FOXP1: variants seen among roughly 807,000 people sequenced by gnomAD.
FOXP1 encodes forkhead box P1, also known as forkhead box protein P1.
A neutral mutation model predicts 98.2 loss-of-function variants in FOXP1; 15 were observed. The ratio of observed to expected loss-of-function variants is 0.15; its 90% CI spans 0.10 to 0.24. The LOEUF is 0.24. Among genes scored for constraint, FOXP1 ranks in the 10% least tolerant of loss-of-function variants. The pLI, the probability that FOXP1 is intolerant of heterozygous loss-of-function variation, is 1.00. For missense variants in FOXP1, 633 were observed against 848.5 expected, an observed-to-expected ratio of 0.75 and a Z score of 3.15; for synonymous variants, 371 against 314.5, an observed-to-expected ratio of 1.18 and a Z score of -1.90.
intron 5 of FOXP1, among the ~76,000 whole-genome samples, chr3:71,232,811 T>C (rs564563003): frequency 3.6e-4 from 49 of 136,112 alleles, no homozygotes; most frequent in Non-Finnish European, 7.3e-4. Context: ...AGAGGGAAGA[T>C]CTCTTGAGCC....
chr3:71,302,291 C>G (rs570822195), intron 4 of FOXP1, among the ~76,000 whole-genome samples: 2 of 152,044 alleles, frequency 1.3e-5, no homozygotes, highest in South Asian at 4.1e-4. Context: ...TACTGGGGCC[C>G]GAGTCTGCCT....
chr3:71,406,528 C>T (rs1339643261), intron 3 of FOXP1, among the ~76,000 whole-genome samples: 2 of 151,262 alleles, frequency 1.3e-5, no homozygotes, highest in African/African-American at 2.4e-5. Context: ...TCTCGTGATG[C>T]TATCTCTCAG....
chr3:71,499,002 A>G (rs2041125732), intron 2 of FOXP1, among the ~76,000 whole-genome samples: 1 of 152,072 alleles, frequency 6.6e-6, no homozygotes, highest in South Asian at 2.1e-4. Flanking sequence ...TATGGCAGTT[A>G]CCTTGCATAG....
intron 2 of FOXP1, among the ~76,000 whole-genome samples, chr3:71,557,989 G>A (rs1237648644): frequency 6.6e-6 from 1 of 152,084 alleles, no homozygotes; most frequent in Admixed American, 6.5e-5. Context: ...GCTGATTTTT[G>A]TATTTTTAGT....
Position 71,224,529 on chromosome 3 carries a change from T to C in FOXP1, c.-11-26137A>G, listed in dbSNP as rs545715290. ...ACAAGTGATGGGCAAGAGGCAGAGA[T>C]GGGAAGCTGTGATCAAACGGAGGAC... On this transcript the variant is annotated intron_variant, in intron 5 of 20. Coordinates refer to ENST00000649528, the MANE Select transcript of FOXP1 (RefSeq NM_001349338.3). 7.9e-5 allele frequency among the ~76,000 whole-genome samples: 12 copies of C among 152,130 alleles called. No individual in the cohort carries two copies. The South Asian group carries it at 2.5e-3, about 32-fold the overall frequency.
intron 3 of FOXP1, among the ~76,000 whole-genome samples, chr3:71,371,037 T>C (rs1486671849): frequency 6.6e-6 from 1 of 152,066 alleles, no homozygotes; most frequent in Admixed American, 6.6e-5. Context: ...TCAGCCTCCC[T>C]GTAATCCCCT....
chr3:71,378,950 G>GA, intron 3 of FOXP1, among the ~76,000 whole-genome samples: 1 of 152,242 alleles, frequency 6.6e-6, no homozygotes, highest in Non-Finnish European at 1.5e-5. Context: ...TCAGAAAAAG[G>GA]AAAGAGGGTC....
intron 2 of FOXP1, among the ~76,000 whole-genome samples, chr3:71,515,894 G>A (rs1037788851): frequency 6.6e-6 from 1 of 152,234 alleles, no homozygotes; most frequent in Non-Finnish European, 1.5e-5. Context: ...AATACGCTCT[G>A]TCTCTGATGT....
At chr3:71,266,588 T>C (rs1328823598) in intron 5 of FOXP1, among the ~76,000 whole-genome samples, 1 of 152,138 alleles carries the variant, frequency 6.6e-6, no homozygotes, top group Admixed American at 6.5e-5. Flanking sequence ...ATATTTTTGT[T>C]ATTTTATTTT....
chr3:71,000,865 G>A, intron 13 of FOXP1, 107 bp downstream of exon 13: 1 of 651,030 alleles, frequency 1.5e-6, no homozygotes, highest in South Asian at 1.8e-5. Context: ...GACAGGTTTT[G>A]GACCTTCCAT....
At chr3:71,245,861 A>G (rs1317564608) in intron 5 of FOXP1, among the ~76,000 whole-genome samples, 1 of 151,496 alleles carries the variant, frequency 6.6e-6, no homozygotes, top group East Asian at 2.0e-4. Flanking sequence ...ATCCTTTAGA[A>G]ATTAGCTAAT....
chr3:71,445,543 C>T (rs1251878760), intron 3 of FOXP1, among the ~76,000 whole-genome samples: 1 of 152,030 alleles, frequency 6.6e-6, no homozygotes, highest in Admixed American at 6.5e-5. Context: ...TATAAAGGGC[C>T]TTTCTTTGTT....
At chr3:71,454,201 T>C (rs751911417) in intron 3 of FOXP1, among the ~76,000 whole-genome samples, 5 of 152,128 alleles carry the variant, frequency 3.3e-5, no homozygotes, top group Non-Finnish European at 7.4e-5. Flanking sequence ...AGAGAAAGTG[T>C]CTCTAAAGAA....
chr3:71,011,452 T>C (rs892415903), intron 12 of FOXP1, among the ~76,000 whole-genome samples: 2 of 152,068 alleles, frequency 1.3e-5, no homozygotes, highest in African/African-American at 4.8e-5. Flanking sequence ...TCAGTTCCAC[T>C]TGGAAAGAGC....
At chr3:71,390,203 C>T (rs2080926610) in intron 3 of FOXP1, among the ~76,000 whole-genome samples, 1 of 152,198 alleles carries the variant, frequency 6.6e-6, no homozygotes, top group Admixed American at 6.5e-5. Context: ...CACCTTGCAT[C>T]CCAGCAGCCC....
chr3:71,227,683 A>C (rs2065947747), intron 5 of FOXP1, among the ~76,000 whole-genome samples: 1 of 152,034 alleles, frequency 6.6e-6, no homozygotes, highest in Admixed American at 6.6e-5. Context: ...CCATAGATTA[A>C]AGATTTGTTT....
At chr3:71,257,572 T>A (rs1477995027) in intron 5 of FOXP1, among the ~76,000 whole-genome samples, 11 of 90,702 alleles carry the variant, frequency 1.2e-4, no homozygotes, top group East Asian at 2.9e-4. Flanking sequence ...GCAACAAGAG[T>A]AAAACTCCAT....
At chr3:70,975,970 C>T (rs949976422) in intron 17 of FOXP1, among the ~76,000 whole-genome samples, 14 of 151,812 alleles carry the variant, frequency 9.2e-5, no homozygotes, top group Admixed American at 8.5e-4. Flanking sequence ...CTTGTTTTTA[C>T]AGCAAATAGT....
chr3:71,429,386 T>C (rs1213368731), intron 3 of FOXP1, among the ~76,000 whole-genome samples: 1 of 150,920 alleles, frequency 6.6e-6, no homozygotes, highest in Non-Finnish European at 1.5e-5. Flanking sequence ...TTTTCTTGGT[T>C]TGCTCTGAGC....
Sources: allele counts gnomAD v4.1 joint callset (sites outside exome capture counted in the v4.1 genomes callset), GRCh38; gene constraint gnomAD v4.1.1; transcripts MANE v1.5; gene names NCBI Gene and HGNC (gene_info 2026-07-23, HGNC 2026-07-21).